Variants in MYO18B observed in about 807,000 individuals in gnomAD.
MYO18B encodes the protein myosin XVIIIB.
In MYO18B, 204 loss-of-function variants were observed where a neutral mutation model predicts 273.0. The observed-to-expected ratio is 0.75, with a 90% CI of 0.67 to 0.84. MYO18B has a LOEUF of 0.84. MYO18B is among the 40% of genes least tolerant of loss of function. MYO18B has a pLI of 0.00. For missense variants in MYO18B, 3,212 were observed against 3,287.6 expected (o/e 0.98, Z 0.56); for synonymous variants, 1,330 against 1,305.7 (o/e 1.02, Z -0.40).
At chr22:25,984,573 T>A (rs2093181269) in intron 39 of MYO18B, among the ~76,000 whole-genome samples, 2 of 152,096 alleles carry the variant, frequency 1.3e-5, no homozygotes, top group African/African-American at 2.4e-5. Context: ...GAGGACCACT[T>A]GACACCAGGA....
intron 40 of MYO18B, among the ~76,000 whole-genome samples, chr22:25,992,964 T>C (rs545726189): frequency 6.6e-6 from 1 of 152,198 alleles, no homozygotes; most frequent in Non-Finnish European, 1.5e-5. Flanking sequence ...ATGACAGATA[T>C]GTAAGTGCTA....
At chr22:26,050,454 C>T in the MYO18B span, among the ~76,000 whole-genome samples, 1 of 152,282 alleles carries the variant, frequency 6.6e-6, no homozygotes, top group African/African-American at 2.4e-5. Context: ...TCTGCAGTCA[C>T]TTCTGCTGGT....
chr22:25,931,741 G>T (rs1262066481), intron 34 of MYO18B, among the ~76,000 whole-genome samples: 1 of 142,658 alleles, frequency 7.0e-6, no homozygotes, highest in Non-Finnish European at 1.5e-5. Context: ...AGAGTGCAGT[G>T]GCTCAATCAT....
At chr22:25,833,949 T>C (rs1334490110) in intron 16 of MYO18B, among the ~76,000 whole-genome samples, 1 of 152,152 alleles carries the variant, frequency 6.6e-6, no homozygotes, top group Non-Finnish European at 1.5e-5. Flanking sequence ...CCCTCTCCTG[T>C]GTAAGCCCAG....
rs988420104 is a variant in MYO18B, at chr22:25,878,554, T to A, written c.4314+506T>A. The stretch of plus-strand genomic sequence containing the variant: ...AACAAATATGAGCCAATAATATGAA[T>A]GGGCAGTTCCCAAGGAAGGGACGCT... On this transcript the variant is annotated intron_variant, in intron 25 of 43. Transcript: ENST00000335473. 1.2e-4 allele frequency among the ~76,000 whole-genome samples: 18 copies of A among 152,146 alleles called. 1 individual carries two copies. Among genetic ancestry groups the A allele is most frequent in the Admixed American group, 1.1e-3 (17 of 15,260 alleles).
chr22:25,930,253 C>G (rs534513795), intron 34 of MYO18B, among the ~76,000 whole-genome samples: 45 of 152,286 alleles, frequency 3.0e-4, no homozygotes, highest in Middle Eastern at 3.4e-3. Context: ...GGGCCTGCCC[C>G]TGAGTTAGTA....
intron 39 of MYO18B, among the ~76,000 whole-genome samples, chr22:25,976,004 G>T (rs1186567375): frequency 1.3e-5 from 2 of 152,180 alleles, no homozygotes; most frequent in Non-Finnish European, 2.9e-5. Context: ...AAAGTCTACT[G>T]CTTACCCTTA....
intron 25 of MYO18B, among the ~76,000 whole-genome samples, chr22:25,879,815 A>C (rs1449642496): frequency 6.6e-6 from 1 of 152,200 alleles, no homozygotes; most frequent in Non-Finnish European, 1.5e-5. Context: ...GGAAACTTAC[A>C]TCATGGTGGA....
intron 7 of MYO18B, 99 bp downstream of exon 7, chr22:25,772,609 C>G: frequency 8.3e-7 from 1 of 1,211,660 alleles, no homozygotes; most frequent in Non-Finnish European, 1.1e-6. Flanking sequence ...CATCAGAGCC[C>G]CCAGTCGACC....
At chr22:25,854,271 T>C (rs889886832) in intron 21 of MYO18B, among the ~76,000 whole-genome samples, 1 of 152,214 alleles carries the variant, frequency 6.6e-6, no homozygotes. Context: ...AAATAGCATA[T>C]GTCTTTTATC....
intron 10 of MYO18B, among the ~76,000 whole-genome samples, chr22:25,782,399 C>G (rs1417350149): frequency 3.3e-5 from 5 of 152,170 alleles, no homozygotes; most frequent in Admixed American, 1.3e-4. Context: ...CATGAGGTTC[C>G]TCAGGATGGA....
intron 12 of MYO18B, among the ~76,000 whole-genome samples, chr22:25,815,176 T>C (rs113130822): frequency 6.6e-6 from 1 of 152,256 alleles, no homozygotes; most frequent in African/African-American, 2.4e-5. Flanking sequence ...AAGGGGACAG[T>C]TTGATAGATT....
intron 25 of MYO18B, among the ~76,000 whole-genome samples, chr22:25,879,959 A>AT (rs567732443): frequency 2.1e-4 from 32 of 152,264 alleles, no homozygotes; most frequent in East Asian, 1.4e-3. Context: ...CAAGGGGGAA[A>AT]TCTGTCCCCA....
intron 7 of MYO18B, among the ~76,000 whole-genome samples, chr22:25,774,630 C>G (rs2086848177): frequency 2.0e-5 from 3 of 152,216 alleles, no homozygotes; most frequent in Admixed American, 2.0e-4. Context: ...CTCCCACACT[C>G]AAACCCACAG....
intron 21 of MYO18B, among the ~76,000 whole-genome samples, chr22:25,863,844 C>T (rs1027637363): frequency 1.1e-4 from 16 of 152,188 alleles, no homozygotes; most frequent in Admixed American, 2.0e-4. Context: ...TCCAGTCTCT[C>T]TTATTCTTGT....
Position 25,777,768 on chromosome 22 carries a change from T to C in MYO18B, c.2055T>C (p.Asp685=). ...EHLVGMAGSV[D]GRVSVEKIRA... is the part of the protein sequence containing the mutation. Reference sequence around the variant, plus strand: ...TGGTGGGGATGGCAGGCAGTGTGGATGGCAGGGTCTCAGGTATGGTGGTCT... The same window carrying C: ...TGGTGGGGATGGCAGGCAGTGTGGACGGCAGGGTCTCAGGTATGGTGGTCT... The change falls in exon 8 of 44, where the codon GAT becomes GAC. Residue 685 remains aspartate (D), a synonymous_variant. Transcript: ENST00000335473. 1 of 1,601,210 alleles carries C rather than the reference T, an allele frequency of 6.2e-7. No individual in the cohort carries two copies. The highest frequency in any genetic ancestry group is 1.3e-5 in the African/African-American group (1 of 74,860).
intron 34 of MYO18B, among the ~76,000 whole-genome samples, chr22:25,929,160 CAAA>C (rs4049336): frequency 8.2e-6 from 1 of 122,224 alleles, no homozygotes; most frequent in Non-Finnish European, 1.6e-5. Flanking sequence ...GAAACTGTCT[CAAA>C]AAAAAAAAAA....
chr22:25,888,939 C>A (rs2091579380), intron 25 of MYO18B, among the ~76,000 whole-genome samples: 1 of 151,978 alleles, frequency 6.6e-6, no homozygotes, highest in East Asian at 1.9e-4. Context: ...TTTGTTCACT[C>A]TTTTTGAAAG....
Position 25,823,586 on chromosome 22 carries a change from C to T in MYO18B, c.2603C>T (p.Thr868Met), listed in dbSNP as rs201763340. 3.0e-5 allele frequency: 48 copies of T among 1,613,956 alleles called. No homozygotes were observed. Among genetic ancestry groups the T allele is most frequent in the African/African-American group, 1.3e-4 (10 of 75,030 alleles). The change falls in exon 13 of 44, where the codon ACG becomes ATG. Residue 868 changes from threonine to methionine, a missense_variant. Physicochemically the swap from Thr to Met is moderately conservative, Grantham distance 81. Transcript: ENST00000335473. ...ALGCEYEELN[T>M]ATFKHHLRQI... ...GGCTGCGAGTATGAGGAGCTGAACA[C>T]GGCCACCTTCAAGCACCACCTTCGA...
Sources: gnomAD v4.1 joint callset for allele counts (sites outside exome capture counted in the v4.1 genomes callset) on GRCh38, gnomAD v4.1.1 for gene constraint, MANE v1.5 for transcripts, NCBI Gene and HGNC (gene_info 2026-07-23, HGNC 2026-07-21) for gene names.